Variants in FHIT observed in about 807,000 individuals in gnomAD.
FHIT encodes bis(5'-adenosyl)-triphosphatase.
Under a neutral mutation model 17.9 loss-of-function variants are expected in FHIT, and 19 were observed. That is an observed-to-expected ratio of 1.06 (90% confidence interval 0.74 to 1.56). The LOEUF is 1.56. Among genes scored for constraint, FHIT ranks in the 40% most tolerant of loss-of-function variants. FHIT has a pLI of 0.00. For synonymous variants in FHIT, 81 were observed against 69.7 expected, an observed-to-expected ratio of 1.16 and a Z score of -0.81; for missense variants, 248 against 189.2, an observed-to-expected ratio of 1.31 and a Z score of -1.82.
At position 59,878,166 on chromosome 3, in the gene FHIT, G is replaced by C. The variant is rs148354715; in HGVS notation, c.348+44180C>G. 3.3e-5 allele frequency among the ~76,000 whole-genome samples: 5 copies of C among 151,876 alleles called. No individual in the cohort carries two copies. In the East Asian group the frequency reaches 9.7e-4, roughly 29 times the overall value. Reference sequence around the variant, plus strand: ...TAAAAGGAATGACTGATTGTACTTGGCATATTTCCCCTCTCTGTGGTTGCA... The same window carrying C: ...TAAAAGGAATGACTGATTGTACTTGCCATATTTCCCCTCTCTGTGGTTGCA... On this transcript the variant is annotated intron_variant, in intron 8 of 9. Coordinates refer to ENST00000492590, the MANE Select transcript of FHIT (RefSeq NM_002012.4).
At chr3:61,192,500 C>A (rs1415871336) in intron 2 of FHIT, among the ~76,000 whole-genome samples, 4 of 152,122 alleles carry the variant, frequency 2.6e-5, no homozygotes, top group Admixed American at 2.6e-4. Flanking sequence ...TAATGCCTTC[C>A]CATCAATCAT....
chr3:60,103,670 C>T (rs530479095), intron 5 of FHIT, among the ~76,000 whole-genome samples: 2 of 152,234 alleles, frequency 1.3e-5, no homozygotes, highest in East Asian at 3.9e-4. Flanking sequence ...GCAGCCCTCC[C>T]AAAAGAATCT....
chr3:60,419,454 T>A (rs7638538), intron 5 of FHIT, among the ~76,000 whole-genome samples: 4 of 152,088 alleles, frequency 2.6e-5, no homozygotes, highest in Non-Finnish European at 5.9e-5. Context: ...CCACCACCAC[T>A]GTAAGCCCCA....
At chr3:59,922,119 G>A (rs1027203429) in intron 8 of FHIT, among the ~76,000 whole-genome samples, 3 of 152,072 alleles carry the variant, frequency 2.0e-5, no homozygotes, top group Non-Finnish European at 4.4e-5. Flanking sequence ...AAGGACACTT[G>A]GTTTCTGCTG....
intron 3 of FHIT, among the ~76,000 whole-genome samples, chr3:60,838,264 G>C (rs1385156756): frequency 6.6e-6 from 1 of 152,114 alleles, no homozygotes; most frequent in Admixed American, 6.5e-5. Flanking sequence ...CCTGAGCTCA[G>C]GAGTTCGCGA....
At chr3:60,960,696 T>A (rs1346783601) in intron 3 of FHIT, among the ~76,000 whole-genome samples, 2 of 152,220 alleles carry the variant, frequency 1.3e-5, no homozygotes, top group African/African-American at 4.8e-5. Flanking sequence ...TTTGGTTTTC[T>A]GTCCTTGCAA....
chr3:60,579,612 T>C (rs995233287), intron 4 of FHIT, among the ~76,000 whole-genome samples: 3 of 152,150 alleles, frequency 2.0e-5, no homozygotes, highest in African/African-American at 7.2e-5. Context: ...TATATACCTA[T>C]ATATACACAC....
At chr3:60,213,219 C>G (rs1461558301) in intron 5 of FHIT, among the ~76,000 whole-genome samples, 1 of 152,088 alleles carries the variant, frequency 6.6e-6, no homozygotes, top group Non-Finnish European at 1.5e-5. Context: ...AGGCACATAC[C>G]CTTTCTTGCT....
In FHIT at chr3:59,966,770, G is replaced by C. The variant is rs1707946110; in HGVS notation, c.280-44356C>G. 2.0e-5 allele frequency among the ~76,000 whole-genome samples: 3 copies of C among 152,122 alleles called. No homozygotes were observed. The South Asian group carries it at 6.2e-4, about 32-fold the overall frequency. On this transcript the variant is annotated intron_variant, in intron 7 of 9. Transcript: ENST00000492590. Reference sequence around the variant, plus strand: ...TTGGGTGAGTCAGTGAGTAAGGGGTGACTGAATTTGAAGGCCTGGGGCATT... The same window carrying C: ...TTGGGTGAGTCAGTGAGTAAGGGGTCACTGAATTTGAAGGCCTGGGGCATT...
At chr3:60,614,645 G>A (rs1553674973) in intron 4 of FHIT, among the ~76,000 whole-genome samples, 2 of 151,816 alleles carry the variant, frequency 1.3e-5, no homozygotes, top group African/African-American at 4.8e-5. Flanking sequence ...GTCTATTTGG[G>A]TGCCAAAAAA....
At chr3:60,122,360 G>A (rs4542973) in intron 5 of FHIT, among the ~76,000 whole-genome samples, 3 of 151,974 alleles carry the variant, frequency 2.0e-5, no homozygotes, top group Admixed American at 1.3e-4. Flanking sequence ...GTTGAATCCC[G>A]GCCCTCAGGG....
chr3:61,073,791 C>T lies in FHIT; in HGVS notation c.-163-31692G>A, dbSNP rs566999226. 7.2e-5 allele frequency among the ~76,000 whole-genome samples: 11 copies of T among 152,222 alleles called. No homozygotes were observed. The South Asian group carries it at 2.3e-3, about 32-fold the overall frequency. On this transcript the variant is annotated intron_variant, in intron 2 of 9. Coordinates refer to ENST00000492590, the MANE Select transcript of FHIT (RefSeq NM_002012.4). ...CCAGTTAATGGCATGACTGTAATGACTAGCAATTTAAATAATAGAGGCTGA... is the reference window on the plus strand; with the variant it reads ...CCAGTTAATGGCATGACTGTAATGATTAGCAATTTAAATAATAGAGGCTGA...
chr3:61,190,484 G>A (rs2038678873), intron 2 of FHIT, among the ~76,000 whole-genome samples: 1 of 152,166 alleles, frequency 6.6e-6, no homozygotes, highest in African/African-American at 2.4e-5. Context: ...CTGTTGGTGG[G>A]ACTGTAAACT....
chr3:59,956,249 C>A (rs1707390702), intron 7 of FHIT, among the ~76,000 whole-genome samples: 1 of 152,134 alleles, frequency 6.6e-6, no homozygotes, highest in South Asian at 2.1e-4. Flanking sequence ...TGACTAAAGA[C>A]AGTCTTCTGG....
intron 4 of FHIT, among the ~76,000 whole-genome samples, chr3:60,587,915 G>A (rs946199665): frequency 2.0e-5 from 3 of 151,890 alleles, no homozygotes; most frequent in Non-Finnish European, 4.4e-5. Context: ...GTATCAGGAG[G>A]CAAGTCTGCC....
intron 7 of FHIT, among the ~76,000 whole-genome samples, chr3:59,984,804 A>C (rs1418950983): frequency 6.6e-6 from 1 of 152,060 alleles, no homozygotes; most frequent in African/African-American, 2.4e-5. Flanking sequence ...CTTATTTAAT[A>C]CCCAGCACAA....
intron 5 of FHIT, among the ~76,000 whole-genome samples, chr3:60,131,104 C>G (rs760765609): frequency 2.5e-5 from 3 of 118,316 alleles, no homozygotes; most frequent in Non-Finnish European, 6.1e-5. Context: ...TATATACACA[C>G]AAACCCACAG....
chr3:60,418,779 C>A (rs1430605808), intron 5 of FHIT, among the ~76,000 whole-genome samples: 3 of 151,518 alleles, frequency 2.0e-5, no homozygotes, highest in Admixed American at 6.6e-5. Context: ...TGAATGTCTA[C>A]ATGTACTGAT....
chr3:60,209,803 A>T (rs1233095680), intron 5 of FHIT, among the ~76,000 whole-genome samples: 1 of 152,182 alleles, frequency 6.6e-6, no homozygotes, highest in Non-Finnish European at 1.5e-5. Flanking sequence ...ATGAAGCTGG[A>T]AGCCATCATC....
Sources: gnomAD v4.1 joint callset for allele counts (sites outside exome capture counted in the v4.1 genomes callset) on GRCh38, gnomAD v4.1.1 for gene constraint, MANE v1.5 for transcripts, NCBI Gene and HGNC (gene_info 2026-07-23, HGNC 2026-07-21) for gene names.